PPP1R9A: variants seen among roughly 807,000 people sequenced by gnomAD.
PPP1R9A encodes the protein neurabin-1.
A neutral mutation model predicts 141.9 loss-of-function variants in PPP1R9A; 59 were observed. The ratio of observed to expected loss-of-function variants is 0.42; its 90% CI spans 0.34 to 0.52. The LOEUF is 0.52. Ranked by LOEUF, PPP1R9A falls within the 20% of genes least tolerant of loss-of-function variation. PPP1R9A has a pLI of 0.10. For synonymous variants in PPP1R9A, 500 were observed against 569.7 expected (o/e 0.88, Z 1.74); for missense variants, 1,444 against 1,611.9 (o/e 0.90, Z 1.78).
At chr7:95,000,069 C>T (rs1364796115) in intron 2 of PPP1R9A, among the ~76,000 whole-genome samples, 8 of 152,084 alleles carry the variant, frequency 5.3e-5, no homozygotes, top group Non-Finnish European at 1.2e-4. Flanking sequence ...TCCCAAAGTT[C>T]TGGGATTACA....
At chr7:95,235,570 G>A (rs778861775) in intron 8 of PPP1R9A, among the ~76,000 whole-genome samples, 3 of 152,176 alleles carry the variant, frequency 2.0e-5, no homozygotes, top group Non-Finnish European at 4.4e-5. Flanking sequence ...TACACTGTTG[G>A]TGGGAATGTA....
chr7:95,190,900 TC>T (rs1835401766), intron 5 of PPP1R9A, among the ~76,000 whole-genome samples: 1 of 152,224 alleles, frequency 6.6e-6, no homozygotes, highest in South Asian at 2.1e-4. Flanking sequence ...ATCAGCTTTT[TC>T]ATTTTTACTG....
chr7:95,120,754 G>C lies in PPP1R9A; in HGVS notation c.1571G>C (p.Gly524Ala). 6.2e-7 allele frequency: 1 copy of C among 1,614,016 alleles called. No homozygotes were observed. The highest frequency in any genetic ancestry group is 8.5e-7 in the Non-Finnish European group (1 of 1,179,924). The change falls in exon 4 of 20, where the codon GGA (glycine) becomes GCA (alanine). Residue 524 changes from glycine to alanine, a missense_variant. Around this residue, in one of 5 missense-constraint regions of PPP1R9A, gnomAD observed 488 missense variants for 542.0 expected, o/e 0.90. Transcript: ENST00000433360. ...LGISIIGMGVGADAGLEKLGI... is the reference protein window; with the variant it reads ...LGISIIGMGVAADAGLEKLGI... ...ATAAGTATTATTGGAATGGGTGTTG[G>C]AGCAGATGCTGGACTTGAAAAGCTG...
intron 7 of PPP1R9A, among the ~76,000 whole-genome samples, chr7:95,213,741 C>G (rs899940226): frequency 1.3e-5 from 2 of 152,238 alleles, no homozygotes; most frequent in Admixed American, 1.3e-4. Flanking sequence ...TGAAAACCAT[C>G]AAGTTTCTGT....
intron 7 of PPP1R9A, among the ~76,000 whole-genome samples, chr7:95,207,874 C>G (rs773222569): frequency 2.3e-4 from 35 of 152,024 alleles, no homozygotes; most frequent in Non-Finnish European, 4.3e-4. Context: ...TACAAGACTT[C>G]AAGACATAAA....
At chr7:95,288,912 A>G (rs1325131197) in intron 19 of PPP1R9A, among the ~76,000 whole-genome samples, 194 bp downstream of exon 19, 1 of 152,186 alleles carries the variant, frequency 6.6e-6, no homozygotes, top group East Asian at 1.9e-4. Flanking sequence ...TTCCAAATCA[A>G]ATGGTAGGCT....
At chr7:95,102,919 C>G (rs1818980485) in intron 2 of PPP1R9A, among the ~76,000 whole-genome samples, 1 of 152,160 alleles carries the variant, frequency 6.6e-6, no homozygotes, top group Non-Finnish European at 1.5e-5. Flanking sequence ...AAACATTATT[C>G]TAGAGTCTAT....
At chr7:95,286,463 T>C (rs1299569587) in intron 18 of PPP1R9A, 138 bp downstream of exon 18, 4 of 1,368,448 alleles carry the variant, frequency 2.9e-6, no homozygotes, top group Non-Finnish European at 3.8e-6. Context: ...TTTGAAGTCT[T>C]CATGATTTCT....
chr7:94,998,928 A>C (rs906799411), intron 2 of PPP1R9A, among the ~76,000 whole-genome samples: 1 of 152,050 alleles, frequency 6.6e-6, no homozygotes, highest in African/African-American at 2.4e-5. Flanking sequence ...TATGCCTGGC[A>C]AATGTTTGGT....
At chr7:95,249,340 G>T (rs1400882957) in intron 9 of PPP1R9A, among the ~76,000 whole-genome samples, 1 of 152,072 alleles carries the variant, frequency 6.6e-6, no homozygotes, top group Non-Finnish European at 1.5e-5. Context: ...TTGAAATAAA[G>T]AATGAAATAA....
chr7:94,984,528 A>G (rs912995512), intron 2 of PPP1R9A, among the ~76,000 whole-genome samples: 1 of 152,166 alleles, frequency 6.6e-6, no homozygotes, highest in African/African-American at 2.4e-5. Flanking sequence ...TGGTCTATTC[A>G]GAGATTCAGC....
intron 2 of PPP1R9A, among the ~76,000 whole-genome samples, chr7:95,039,711 T>C (rs1808947397): frequency 6.7e-6 from 1 of 149,234 alleles, no homozygotes; most frequent in Non-Finnish European, 1.5e-5. Flanking sequence ...CAAATTGAAA[T>C]GTAAGGGAAA....
At chr7:94,970,904 C>T (rs113722156) in intron 2 of PPP1R9A, among the ~76,000 whole-genome samples, 3 of 151,980 alleles carry the variant, frequency 2.0e-5, no homozygotes, top group African/African-American at 7.2e-5. Context: ...ATCTTCTGTA[C>T]CTCTAATTTC....
At chr7:94,978,306 C>T (rs951090124) in intron 2 of PPP1R9A, among the ~76,000 whole-genome samples, 20 of 152,164 alleles carry the variant, frequency 1.3e-4, no homozygotes, top group African/African-American at 4.8e-4. Context: ...TTATGGCTAT[C>T]TACTAAATAT....
chr7:95,180,894 G>A (rs1443118121), intron 5 of PPP1R9A, among the ~76,000 whole-genome samples: 1 of 152,060 alleles, frequency 6.6e-6, no homozygotes, highest in Admixed American at 6.6e-5. Flanking sequence ...CATGGATGCA[G>A]TGATCATGGA....
intron 7 of PPP1R9A, among the ~76,000 whole-genome samples, chr7:95,216,052 C>G (rs1306894788): frequency 6.6e-6 from 1 of 152,152 alleles, no homozygotes; most frequent in Non-Finnish European, 1.5e-5. Flanking sequence ...TTGCCCATGC[C>G]TATGTTCTGA....
intron 2 of PPP1R9A, among the ~76,000 whole-genome samples, chr7:95,080,488 C>A (rs1815634471): frequency 1.3e-5 from 2 of 151,812 alleles, no homozygotes; most frequent in Admixed American, 6.6e-5. Flanking sequence ...TAGGAAGAAT[C>A]AATATCATGA....
chr7:95,259,987 T>C lies in PPP1R9A; in HGVS notation c.2665+7857T>C, dbSNP rs370731775. 1.6e-4 allele frequency among the ~76,000 whole-genome samples: 24 copies of C among 152,338 alleles called. No homozygotes were observed. The East Asian group carries it at 4.2e-3, about 27-fold the overall frequency. On this transcript the variant is annotated intron_variant, in intron 12 of 19. Coordinates refer to ENST00000433360, the MANE Select transcript of PPP1R9A (RefSeq NM_001166160.2). ...CTGAAAACTTATTTTCAATTTTGTT[T>C]AATCCCCAATAAATAATTTTGACCA...
intron 2 of PPP1R9A, among the ~76,000 whole-genome samples, chr7:95,001,551 T>C (rs1351955720): frequency 6.6e-6 from 1 of 152,222 alleles, no homozygotes; most frequent in African/African-American, 2.4e-5. Flanking sequence ...ACTCTCACAA[T>C]GTTATCCTTT....
Sources: allele counts gnomAD v4.1 joint callset (sites outside exome capture counted in the v4.1 genomes callset), GRCh38; gene constraint gnomAD v4.1.1; regional missense constraint gnomAD v4.1.1; transcripts MANE v1.5; gene names NCBI Gene and HGNC (gene_info 2026-07-23, HGNC 2026-07-21).